Variants in CORIN observed in about 807,000 individuals in gnomAD.
The protein encoded by CORIN is atrial natriuretic peptide-converting enzyme.
Under a neutral mutation model 125.3 loss-of-function variants are expected in CORIN, and 117 were observed. That is an observed-to-expected ratio of 0.93 (90% CI 0.80 to 1.09). CORIN has a LOEUF of 1.09. CORIN is among the 50% of genes least tolerant of loss of function. The pLI, the probability that CORIN is intolerant of heterozygous loss-of-function variation, is 0.00. For missense variants in CORIN, 1,253 were observed against 1,306.7 expected (o/e 0.96, Z 0.63); for synonymous variants, 450 against 466.4 (o/e 0.96, Z 0.45).
chr4:47,807,074 T>C (rs773536014), intron 1 of CORIN, 27 bp from the exon 2 acceptor site: 1 of 1,588,956 alleles, frequency 6.3e-7, no homozygotes, highest in Non-Finnish European at 8.6e-7. Flanking sequence ...AAATGCAACA[T>C]GGTTTTAGTT....
At chr4:47,598,294 T>C (rs1012817767) in intron 21 of CORIN, among the ~76,000 whole-genome samples, 1 of 152,146 alleles carries the variant, frequency 6.6e-6, no homozygotes, top group Non-Finnish European at 1.5e-5. Context: ...AAAAATTTGC[T>C]CCTGATATAG....
chr4:47,707,210 T>C (rs905456287), intron 5 of CORIN, among the ~76,000 whole-genome samples: 5 of 152,052 alleles, frequency 3.3e-5, no homozygotes, highest in African/African-American at 1.2e-4. Flanking sequence ...TATTAGGGAG[T>C]TGTATGTTAG....
intron 5 of CORIN, 42 bp from the exon 6 acceptor site, chr4:47,693,125 T>A (rs776202899): frequency 4.8e-6 from 6 of 1,253,476 alleles, no homozygotes; most frequent in Non-Finnish European, 6.9e-6. Flanking sequence ...ATAAGATGGG[T>A]TTTTTTTCTT....
rs188222692 is a variant in CORIN at position 47,753,937 on chromosome 4, T to C, written c.618-9354A>G. On this transcript the variant is annotated intron_variant, in intron 4 of 21. Coordinates refer to ENST00000273857, the MANE Select transcript of CORIN (RefSeq NM_006587.4). Reference sequence around the variant, plus strand: ...GGAACTGATAAATGTCCATGAAATCTTCACAATTTATGTTTCTCTGCCACG... The same window carrying C: ...GGAACTGATAAATGTCCATGAAATCCTCACAATTTATGTTTCTCTGCCACG... Among the ~76,000 whole-genome samples, 342 of 152,338 alleles carry C rather than the reference T, an allele frequency of 2.2e-3. 3 individuals carry two copies. The highest frequency in any genetic ancestry group is 0.014 in the Middle Eastern group (4 of 292).
intron 12 of CORIN, chr4:47,661,400 A>T: frequency 9.9e-6 from 2 of 202,782 alleles, no homozygotes; most frequent in Non-Finnish European, 2.0e-5. Context: ...ACTTGATGTG[A>T]TTATTATGCA....
intron 3 of CORIN, among the ~76,000 whole-genome samples, chr4:47,770,464 G>A (rs1170038268): frequency 1.3e-5 from 2 of 152,220 alleles, no homozygotes; most frequent in South Asian, 2.1e-4. Flanking sequence ...AGACAGTATG[G>A]ACATTCCTCC....
intron 1 of CORIN, among the ~76,000 whole-genome samples, chr4:47,834,450 G>A (rs921212666): frequency 1.3e-5 from 2 of 152,156 alleles, no homozygotes; most frequent in African/African-American, 4.8e-5. Flanking sequence ...CCCAGAGGAG[G>A]AGGAAATGGG....
chr4:47,806,911 G>A lies in CORIN; in HGVS notation c.200C>T (p.Ser67Phe). The A allele has an allele frequency of 4.3e-6, 7 of 1,612,128 alleles. No individual in the cohort carries two copies. Among genetic ancestry groups the A allele is most frequent in the Non-Finnish European group, 5.9e-6 (7 of 1,179,300 alleles). Residue 67 changes from serine (S) to phenylalanine (F), a missense_variant, in exon 2 of 22, where the codon TCC (serine) becomes TTC (phenylalanine). By Grantham distance (155) the Ser-to-Phe change is radical. Transcript: ENST00000273857. Reference protein sequence around the residue: ...ALVLLLVILLSYVGTLQKVYF... With the variant: ...ALVLLLVILLFYVGTLQKVYF... ...ATAATGGCCTCACCCACCAACATAG[G>A]AAAGCAGGATCACCAGCAAGAGAAC...
At chr4:47,719,019 T>C (rs985306020) in intron 5 of CORIN, among the ~76,000 whole-genome samples, 3 of 152,156 alleles carry the variant, frequency 2.0e-5, no homozygotes, top group South Asian at 2.1e-4. Flanking sequence ...CCTTTGATTT[T>C]AGCCCAACAC....
At chr4:47,673,828 A>T (rs1413788947) in intron 10 of CORIN, among the ~76,000 whole-genome samples, 2 of 152,162 alleles carry the variant, frequency 1.3e-5, no homozygotes, top group African/African-American at 4.8e-5. Flanking sequence ...CAGATGGATC[A>T]CTGAGGGTGT....
intron 16 of CORIN, among the ~76,000 whole-genome samples, chr4:47,636,985 T>C (rs1318798655): frequency 1.3e-5 from 2 of 152,156 alleles, no homozygotes; most frequent in East Asian, 1.9e-4. Flanking sequence ...TAGAAACTAG[T>C]TGAATTGCTT....
In CORIN at chr4:47,661,488, A is replaced by C. The variant is rs1282486903; in HGVS notation, c.1735+223T>G. 3 of 483,768 alleles carry C rather than the reference A, an allele frequency of 6.2e-6. No homozygotes were observed. The East Asian group carries it at 9.8e-5, about 16-fold the overall frequency. 30.0% of individuals were successfully genotyped at this position (483,768 alleles called of 1,614,324 possible). On this transcript the variant is annotated intron_variant, in intron 12 of 21. Coordinates refer to ENST00000273857, the MANE Select transcript of CORIN (RefSeq NM_006587.4). ...GTACCCACAAAAATAAAAGAATAGA[A>C]ATAGAAAATGACTTCTTTATTTTTA...
At chr4:47,717,794 G>A (rs967580299) in intron 5 of CORIN, among the ~76,000 whole-genome samples, 1 of 152,112 alleles carries the variant, frequency 6.6e-6, no homozygotes, top group Non-Finnish European at 1.5e-5. Context: ...AAAAAAGAGA[G>A]GCACTGTAGT....
At chr4:47,678,178 G>A in intron 8 of CORIN, 124 bp from the exon 9 acceptor site, 1 of 698,354 alleles carries the variant, frequency 1.4e-6, no homozygotes, top group Middle Eastern at 3.1e-4. Flanking sequence ...ACACACAAAT[G>A]AACATATCAT....
chr4:47,709,423 G>A (rs1726739276), intron 5 of CORIN, among the ~76,000 whole-genome samples: 1 of 152,050 alleles, frequency 6.6e-6, no homozygotes, highest in Non-Finnish European at 1.5e-5. Flanking sequence ...TCCCCAAGTA[G>A]CTGGGACGAC....
At chr4:47,655,543 T>C (rs2109648786) in intron 12 of CORIN, among the ~76,000 whole-genome samples, 1 of 152,242 alleles carries the variant, frequency 6.6e-6, no homozygotes, top group Non-Finnish European at 1.5e-5. Context: ...GTAGTACTTG[T>C]CATAGACCTG....
At chr4:47,676,412 T>C (rs1725020121) in intron 9 of CORIN, among the ~76,000 whole-genome samples, 1 of 152,154 alleles carries the variant, frequency 6.6e-6, no homozygotes, top group South Asian at 2.1e-4. Context: ...AGCTCCAGTA[T>C]CTCTTCCTCA....
At chr4:47,716,197 A>T (rs1456214042) in intron 5 of CORIN, among the ~76,000 whole-genome samples, 2 of 152,238 alleles carry the variant, frequency 1.3e-5, no homozygotes, top group African/African-American at 2.4e-5. Flanking sequence ...ATTACATTGT[A>T]CCAACTTGCT....
chr4:47,728,938 T>C (rs779324923), intron 5 of CORIN, among the ~76,000 whole-genome samples: 2 of 152,202 alleles, frequency 1.3e-5, no homozygotes, highest in African/African-American at 2.4e-5. Context: ...ATATTTCTGT[T>C]TTAGGAACCA....
Sources: allele counts gnomAD v4.1 joint callset (sites outside exome capture counted in the v4.1 genomes callset), GRCh38; gene constraint gnomAD v4.1.1; transcripts MANE v1.5; gene names NCBI Gene and HGNC (gene_info 2026-07-23, HGNC 2026-07-21).